Variants in TM2D2 observed in about 807,000 individuals in gnomAD.
TM2D2 encodes the protein TM2 domain-containing protein 2.
A neutral mutation model predicts 23.0 loss-of-function variants in TM2D2; 19 were observed. That is an observed-to-expected ratio of 0.82 (90% confidence interval 0.58 to 1.21). The LOEUF is 1.21. Among genes scored for constraint, TM2D2 ranks in the 50% most tolerant of loss-of-function variants. The probability of loss-of-function intolerance (pLI) is 0.00; values close to 1 mark genes in which losing one functional copy is unlikely to be tolerated. For synonymous variants in TM2D2, 120 were observed against 108.8 expected, an observed-to-expected ratio of 1.10 and a Z score of -0.64; for missense variants, 246 against 265.4, an observed-to-expected ratio of 0.93 and a Z score of 0.51.
Position 38,993,542 on chromosome 8 carries a change from T to G in TM2D2, c.431+3A>C, listed in dbSNP as rs751460278. The G allele has an allele frequency of 6.2e-7, 1 of 1,607,074 alleles. No individual in the cohort carries two copies. On this transcript the variant is annotated splice_donor_region_variant and intron_variant, in intron 3 of 3. Transcript: ENST00000456397. ...CAACTACTCCAATCAAAGTAACACT[T>G]ACTTTATACAAGGTTTATTTTCTCG... is the stretch of plus-strand genomic sequence containing the variant.
Position 38,996,323 on chromosome 8 carries a change from G to A in TM2D2, c.117C>T (p.Thr39=), listed in dbSNP as rs771822122. 1.2e-5 allele frequency: 19 copies of A among 1,614,016 alleles called. No individual in the cohort carries two copies. In the East Asian group the frequency reaches 4.0e-4, roughly 34 times the overall value. ...CAGCGGATGTGAGCTCAGGCTCAGC[G>A]GTCGCATTTTGCGAGTGGCTCCGAG... ...CVSRSHSQNA[T]AEPELTSAGA... The change falls in exon 1 of 4, where the codon ACC becomes ACT. Residue 39 remains threonine, a synonymous_variant. Transcript: ENST00000456397.
chr8:38,991,252 AGAG>A lies in TM2D2; in HGVS notation c.*77_*79del. The A allele has an allele frequency of 8.6e-7, 1 of 1,165,454 alleles. No individual in the cohort carries two copies. Among genetic ancestry groups the A allele is most frequent in the Non-Finnish European group, 1.2e-6 (1 of 800,588 alleles). 72.2% of individuals were successfully genotyped at this position (1,165,454 alleles called of 1,614,324 possible). ...AAAATAACATCAGGTCTGATATCAA[AGAG>A]GAGTTTTGAGCCTGTAGAGATGAAT... On this transcript the variant is annotated 3_prime_UTR_variant, in exon 4 of 4. Transcript: ENST00000456397.
intron 3 of TM2D2, among the ~76,000 whole-genome samples, chr8:38,992,303 CAAAAAAAAAAAAA>C (rs11332696): frequency 8.2e-4 from 39 of 47,396 alleles, no homozygotes; most frequent in African/African-American, 3.3e-3. Context: ...CTGTTTCTAC[CAAAAAAAAAAAAA>C]AAAAAAAAAA....
At chr8:38,996,127 C>G (rs1336991584) in intron 1 of TM2D2, 86 bp downstream of exon 1, 4 of 1,438,494 alleles carry the variant, frequency 2.8e-6, no homozygotes, top group Non-Finnish European at 3.7e-6. Context: ...AAAAATGCAG[C>G]GTCCCCCCAA....
At chr8:38,995,927 C>T in intron 1 of TM2D2, 1 of 741,418 alleles carries the variant, frequency 1.3e-6, no homozygotes, top group Non-Finnish European at 2.0e-6. Flanking sequence ...GGCTAAAGGG[C>T]GCAGGGCAAA....
At chr8:38,991,710 C>G (rs1835606966) in intron 3 of TM2D2, among the ~76,000 whole-genome samples, 165 bp from the exon 4 acceptor site, 1 of 152,110 alleles carries the variant, frequency 6.6e-6, no homozygotes, top group African/African-American at 2.4e-5. Flanking sequence ...GTGAGAGGAT[C>G]AGGAAAAACC....
At chr8:38,992,499 AT>A (rs1000754451) in intron 3 of TM2D2, among the ~76,000 whole-genome samples, 8 of 135,456 alleles carry the variant, frequency 5.9e-5, no homozygotes, top group South Asian at 2.3e-4. Flanking sequence ...AAAAAAAAAA[AT>A]ACGCATTTTT....
chr8:38,995,485 G>A, intron 1 of TM2D2, 80 bp from the exon 2 acceptor site: 2 of 1,586,278 alleles, frequency 1.3e-6, no homozygotes, highest in Non-Finnish European at 1.7e-6. Context: ...ATCAAAACGG[G>A]CAAAAGACAT....
chr8:38,994,868 C>T (rs1247700898), intron 2 of TM2D2, among the ~76,000 whole-genome samples: 5 of 152,174 alleles, frequency 3.3e-5, no homozygotes, highest in Admixed American at 6.5e-5. Flanking sequence ...CTGTCTCCTA[C>T]GGACATGGTG....
chr8:38,990,692 T>C lies in TM2D2; in HGVS notation c.*640A>G, dbSNP rs985258747. ...CACTGCATATACTGCCTCTGGAACA[T>C]AATGGAGACAAAAGAGGGCTTAATA... On this transcript the variant is annotated 3_prime_UTR_variant, in exon 4 of 4. Coordinates refer to ENST00000456397, the MANE Select transcript of TM2D2 (RefSeq NM_078473.3). 3.9e-5 allele frequency: 6 copies of C among 152,696 alleles called. No individual in the cohort carries two copies. The highest frequency in any genetic ancestry group is 7.2e-5 in the African/African-American group (3 of 41,442). The allele number at this position is 152,696 out of a possible 1,614,324, so 9.5% of individuals were successfully genotyped here.
chr8:38,996,800 G>T (rs1337779308), upstream of TM2D2: 4 of 1,431,520 alleles, frequency 2.8e-6, no homozygotes. Context: ...ACTAGTGCTG[G>T]TTGCCACCGC....
At position 38,989,734 on chromosome 8, in the gene TM2D2, TGG is replaced by T. The variant is rs1353740092; in HGVS notation, c.*1596_*1597del. On this transcript the variant is annotated 3_prime_UTR_variant, in exon 4 of 4. Transcript: ENST00000456397. ...TTAGGTGAAAAGTAGCATCTTATTT[TGG>T]GTAATATTATAATTTATGTTTTTTA... 6.6e-6 allele frequency: 1 copy of T among 152,204 alleles called. No individual in the cohort carries two copies. Among genetic ancestry groups the T allele is most frequent in the East Asian group, 1.9e-4 (1 of 5,200 alleles). 9.4% of individuals were successfully genotyped at this position (152,204 alleles called of 1,614,324 possible). A position where few individuals can be genotyped will look rare whatever the true frequency, so the allele number is the denominator to read the frequency against.
chr8:38,991,482 C>T lies in TM2D2; in HGVS notation c.495G>A (p.Val165=). ...LYSFFLGCFG[V]DRFCLGHTGT... is the part of the protein sequence containing the mutation. ...CAGTGTGTCCCAAACAGAATCGATCCACACCAAAACATCCCAGGAAGAAGG... is the reference window on the plus strand; with the variant it reads ...CAGTGTGTCCCAAACAGAATCGATCTACACCAAAACATCCCAGGAAGAAGG... The change falls in exon 4 of 4, where the codon GTG becomes GTA. Residue 165 remains valine, a synonymous_variant. Transcript: ENST00000456397. 3 of 1,613,592 alleles carry T rather than the reference C, an allele frequency of 1.9e-6. No homozygotes were observed. The highest frequency in any genetic ancestry group is 2.5e-6 in the Non-Finnish European group (3 of 1,179,862).
At position 38,991,368 on chromosome 8, in the gene TM2D2, C is replaced by T. The variant is rs1835593736; in HGVS notation, c.609G>A (p.Met203Ile). ...DLILLITGGL[M>I]PSDGSNWCTV... ...TGCACCAGTTGCTGCCATCACTTGG[C>T]ATCAGCCCTCCAGTAATTAGCAAAA... The change falls in exon 4 of 4, where the codon ATG becomes ATA. Residue 203 changes from methionine (M) to isoleucine (I), a missense_variant. Around this residue, in one of 2 missense-constraint regions of TM2D2, gnomAD observed 34 missense variants for 63.2 expected, o/e 0.54. Transcript: ENST00000456397. The T allele has an allele frequency of 6.2e-7, 1 of 1,614,132 alleles. No homozygotes were observed. Among genetic ancestry groups the T allele is most frequent in the Non-Finnish European group, 8.5e-7 (1 of 1,180,036 alleles).
chr8:38,995,396 T>G lies in TM2D2; in HGVS notation c.237A>C (p.Glu79Asp). ...CCACTGGGTCTTCACATTCTATAAA[T>G]TCATCAGGTCTGTAATTCACCAGTA... is the stretch of plus-strand genomic sequence containing the variant. Reference protein sequence around the residue: ...PVILCSYLPDEFIECEDPVDH... With the variant: ...PVILCSYLPDDFIECEDPVDH... Residue 79 changes from glutamate (E) to aspartate (D), a missense_variant, in exon 2 of 4, where the codon GAA (glutamate) becomes GAC (aspartate). Glu to Asp is a conservative substitution (Grantham distance 45). Around this residue, in one of 2 missense-constraint regions of TM2D2, gnomAD observed 212 missense variants for 202.2 expected, o/e 1.05. Transcript: ENST00000456397. The G allele has an allele frequency of 6.2e-7, 1 of 1,612,654 alleles. No individual in the cohort carries two copies. Among genetic ancestry groups the G allele is most frequent in the South Asian group, 1.1e-5 (1 of 90,876 alleles).
intron 1 of TM2D2, 70 bp downstream of exon 1, chr8:38,996,143 C>T (rs1421040393): frequency 1.2e-5 from 18 of 1,525,876 alleles, no homozygotes; most frequent in Admixed American, 6.0e-5. Flanking sequence ...CCCAACCCTG[C>T]CTTCCCTTAA....
At chr8:38,991,656 C>T in intron 3 of TM2D2, 111 bp from the exon 4 acceptor site, 1 of 806,564 alleles carries the variant, frequency 1.2e-6, no homozygotes, top group Non-Finnish European at 2.0e-6. Context: ...CCTCTGTGGC[C>T]TTTTACCCTC....
chr8:38,995,771 G>A (rs1445298468), intron 1 of TM2D2: 8 of 1,256,232 alleles, frequency 6.4e-6, no homozygotes, highest in Non-Finnish European at 8.0e-6. Context: ...TGATCAAAAA[G>A]AGATGTTAAA....
At chr8:38,995,873 T>G in intron 1 of TM2D2, 1 of 1,027,610 alleles carries the variant, frequency 9.7e-7, no homozygotes, top group African/African-American at 1.6e-5. Flanking sequence ...CATTTATGCC[T>G]TACTCAGTAC....
Sources: allele counts gnomAD v4.1 joint callset (sites outside exome capture counted in the v4.1 genomes callset), GRCh38; gene constraint gnomAD v4.1.1; regional missense constraint gnomAD v4.1.1; transcripts MANE v1.5; gene names NCBI Gene and HGNC (gene_info 2026-07-23, HGNC 2026-07-21).